Variants in CTNND2 observed in about 807,000 individuals in gnomAD.
The protein encoded by CTNND2 is catenin delta-2.
In CTNND2, 22 loss-of-function variants were observed where a neutral mutation model predicts 144.4. The observed-to-expected ratio is 0.15, with a 90% CI of 0.11 to 0.22. CTNND2 has a LOEUF of 0.22. Ranked by LOEUF, CTNND2 falls within the 10% of genes least tolerant of loss-of-function variation. The pLI, the probability that CTNND2 is intolerant of heterozygous loss-of-function variation, is 1.00. For synonymous variants in CTNND2, 751 were observed against 695.6 expected (o/e 1.08, Z -1.25); for missense variants, 1,353 against 1,618.8 (o/e 0.84, Z 2.82).
intron 2 of CTNND2, among the ~76,000 whole-genome samples, chr5:11,686,841 ATAT>A (rs1233524992): frequency 1.3e-5 from 2 of 148,350 alleles, no homozygotes; most frequent in Non-Finnish European, 3.0e-5. Context: ...CTAATATACT[ATAT>A]TATACTATAA....
At chr5:11,876,078 T>G (rs1189953492) in intron 1 of CTNND2, among the ~76,000 whole-genome samples, 1 of 152,194 alleles carries the variant, frequency 6.6e-6, no homozygotes, top group Non-Finnish European at 1.5e-5. Flanking sequence ...TATAAGATCT[T>G]CAACCTGGTG....
At chr5:11,741,778 C>T (rs1335280672) in intron 1 of CTNND2, among the ~76,000 whole-genome samples, 1 of 146,338 alleles carries the variant, frequency 6.8e-6, no homozygotes, top group Non-Finnish European at 1.5e-5. Flanking sequence ...AATATATATT[C>T]ATATATTATA....
chr5:11,368,466 C>T (rs547901314), intron 7 of CTNND2, among the ~76,000 whole-genome samples: 3 of 151,982 alleles, frequency 2.0e-5, no homozygotes, highest in African/African-American at 4.8e-5. Context: ...TTCTAGGGAC[C>T]CAGAGAGGTG....
Position 11,664,861 on chromosome 5 carries a change from T to C in CTNND2, c.174+67275A>G, listed in dbSNP as rs550926761. 3.9e-5 allele frequency among the ~76,000 whole-genome samples: 6 copies of C among 152,330 alleles called. No individual in the cohort carries two copies. In the South Asian group the frequency reaches 1.2e-3, roughly 32 times the overall value. The stretch of plus-strand genomic sequence containing the variant: ...GTTCAGGGAATGAAGTATGAAGTCC[T>C]CTTTATTGTTGGATTAAGTATATAA... On this transcript the variant is annotated intron_variant, in intron 2 of 21. Coordinates refer to ENST00000304623, the MANE Select transcript of CTNND2 (RefSeq NM_001332.4).
intron 1 of CTNND2, among the ~76,000 whole-genome samples, chr5:11,740,787 C>T (rs529339956): frequency 2.6e-5 from 4 of 152,202 alleles, no homozygotes; most frequent in East Asian, 1.9e-4. Flanking sequence ...TTGCAATCTA[C>T]CCATCTGACA....
At chr5:11,316,388 G>T (rs932181132) in intron 9 of CTNND2, among the ~76,000 whole-genome samples, 5 of 151,834 alleles carry the variant, frequency 3.3e-5, no homozygotes, top group African/African-American at 1.2e-4. Context: ...ACCACACCTG[G>T]CTAATCTAAG....
intron 16 of CTNND2, among the ~76,000 whole-genome samples, chr5:11,066,301 G>C (rs1294490226): frequency 1.3e-5 from 2 of 152,202 alleles, no homozygotes; most frequent in Non-Finnish European, 1.5e-5. Context: ...GCCTCCCAAA[G>C]TGCTGGGATT....
intron 16 of CTNND2, among the ~76,000 whole-genome samples, chr5:11,040,932 T>C (rs1043604673): frequency 1.3e-5 from 2 of 152,214 alleles, no homozygotes; most frequent in African/African-American, 4.8e-5. Context: ...TAGGTCAAGA[T>C]TGCTATCTAG....
At position 11,642,619 on chromosome 5, in the gene CTNND2, C is replaced by G. The variant is rs528019437; in HGVS notation, c.175-77563G>C. On this transcript the variant is annotated intron_variant, in intron 2 of 21. Coordinates refer to ENST00000304623, the MANE Select transcript of CTNND2 (RefSeq NM_001332.4). ...CTGCGAGATGAGGGCCAAGAGGTGACAGGAAGCCCTCAAAGGAAGAAGCAG... is the reference window on the plus strand; with the variant it reads ...CTGCGAGATGAGGGCCAAGAGGTGAGAGGAAGCCCTCAAAGGAAGAAGCAG... Among the ~76,000 whole-genome samples the G allele has an allele frequency of 2.0e-5, 3 of 152,266 alleles. No individual in the cohort carries two copies. The South Asian group carries it at 6.2e-4, about 32-fold the overall frequency.
In CTNND2 at chr5:11,732,197, G is replaced by A. The variant is rs1273127702; in HGVS notation, c.113C>T (p.Ser38Phe). 1.9e-6 allele frequency: 3 copies of A among 1,614,014 alleles called. No homozygotes were observed. The highest frequency in any genetic ancestry group is 1.7e-5 in the Admixed American group (1 of 60,008). The change falls in exon 2 of 22, where the codon TCC becomes TTC. Residue 38 changes from serine to phenylalanine, a missense_variant. This residue lies in a region of CTNND2 where 708 missense variants were observed against 706.4 expected (regional missense o/e 1.00). Coordinates refer to ENST00000304623, the MANE Select transcript of CTNND2 (RefSeq NM_001332.4). ...TTCTGTTTCAGAGCCATCCCCGTTG[G>A]AGGTGTTTAAGCCGGGGCTCAGGGA... ...TSSLSPGLNT[S>F]NGDGSETETT...
intron 9 of CTNND2, among the ~76,000 whole-genome samples, chr5:11,250,455 TGC>T (rs1491384536): frequency 1.0e-3 from 76 of 72,966 alleles, no homozygotes; most frequent in Admixed American, 6.5e-3. Context: ...ATTTAAAGGG[TGC>T]TCTCTCTCTC....
chr5:11,227,295 G>A (rs774834401), intron 10 of CTNND2, among the ~76,000 whole-genome samples: 36 of 152,254 alleles, frequency 2.4e-4, no homozygotes, highest in Admixed American at 6.5e-5. Flanking sequence ...GAGTCTCAAC[G>A]CAGTTTCATA....
intron 2 of CTNND2, among the ~76,000 whole-genome samples, chr5:11,717,796 G>A (rs1786437320): frequency 6.6e-6 from 1 of 152,008 alleles, no homozygotes; most frequent in South Asian, 2.1e-4. Flanking sequence ...TACTACCATG[G>A]GAACAGTATG....
chr5:11,488,813 C>A (rs1401189028), intron 3 of CTNND2, among the ~76,000 whole-genome samples: 1 of 152,172 alleles, frequency 6.6e-6, no homozygotes, highest in Non-Finnish European at 1.5e-5. Flanking sequence ...TTGTCATATA[C>A]TACATAATCT....
At chr5:11,641,791 CGTGTACATACACGTGTATGTACATACAT>C (rs1360808012) in intron 2 of CTNND2, among the ~76,000 whole-genome samples, 1 of 143,166 alleles carries the variant, frequency 7.0e-6, no homozygotes, top group South Asian at 2.2e-4. Context: ...CATACATACA[CGTGTACATACACGTGTATGTACATACAT>C]ATACGTATAT....
At chr5:11,147,550 T>C (rs1382495513) in intron 12 of CTNND2, among the ~76,000 whole-genome samples, 1 of 151,960 alleles carries the variant, frequency 6.6e-6, no homozygotes, top group Admixed American at 6.6e-5. Flanking sequence ...GACGGGCTGA[T>C]ACCAGTTCTG....
At chr5:11,485,345 C>CTGTGTGTGTGTGTGTGTG (rs375624492) in intron 3 of CTNND2, among the ~76,000 whole-genome samples, 23 of 148,822 alleles carry the variant, frequency 1.5e-4, no homozygotes, top group Admixed American at 4.6e-4. Context: ...GAGACAGAGA[C>CTGTGTGTGTGTGTGTGTG]TGTGTGTGTG....
intron 2 of CTNND2, among the ~76,000 whole-genome samples, chr5:11,670,095 T>G (rs1479370300): frequency 6.6e-6 from 1 of 152,240 alleles, no homozygotes; most frequent in Non-Finnish European, 1.5e-5. Context: ...TCTAATTTGA[T>G]TGCACTGCGG....
At chr5:11,432,161 T>G (rs1283981382) in intron 3 of CTNND2, among the ~76,000 whole-genome samples, 1 of 145,374 alleles carries the variant, frequency 6.9e-6, no homozygotes, top group Non-Finnish European at 1.5e-5. Context: ...GCTTAAGGAC[T>G]GTTACTTTGA....
Sources: allele counts gnomAD v4.1 joint callset (sites outside exome capture counted in the v4.1 genomes callset), GRCh38; gene constraint gnomAD v4.1.1; regional missense constraint gnomAD v4.1.1; transcripts MANE v1.5; gene names NCBI Gene and HGNC (gene_info 2026-07-23, HGNC 2026-07-21).